Variants in IL1RAPL2 observed in about 807,000 individuals in gnomAD.
IL1RAPL2 encodes X-linked interleukin-1 receptor accessory protein-like 2.
A neutral mutation model predicts 44.1 loss-of-function variants in IL1RAPL2; 3 were observed. The ratio of observed to expected loss-of-function variants is 0.07; its 90% confidence interval spans 0.03 to 0.18. The LOEUF (loss-of-function observed/expected upper bound fraction) is 0.18, where lower values mean the gene tolerates loss of function less well. Ranked by LOEUF, IL1RAPL2 falls within the 10% of genes least tolerant of loss-of-function variation. IL1RAPL2 has a pLI of 1.00. For synonymous variants in IL1RAPL2, 181 were observed against 178.8 expected, an observed-to-expected ratio of 1.01 and a Z score of -0.10; for missense variants, 391 against 496.4, an observed-to-expected ratio of 0.79 and a Z score of 2.02.
intron 2 of IL1RAPL2, among the ~76,000 whole-genome samples, chrX:104,709,509 G>A (rs905342100): frequency 1.3e-4 from 14 of 109,220 alleles, no homozygotes; most frequent in East Asian, 2.9e-4. Flanking sequence ...TGTCTTCTCC[G>A]CCATTCTCTT....
chrX:105,740,059 T>C (rs2038485494), intron 7 of IL1RAPL2, among the ~76,000 whole-genome samples: 1 of 107,089 alleles, frequency 9.3e-6, no homozygotes, highest in Non-Finnish European at 1.9e-5. Flanking sequence ...TGTGAGATGG[T>C]ATCTCATTGT....
intron 2 of IL1RAPL2, among the ~76,000 whole-genome samples, chrX:105,025,402 A>G (rs192617500): frequency 3.6e-5 from 4 of 111,638 alleles, no homozygotes; most frequent in Admixed American, 2.9e-4. Context: ...TACTCTCCTC[A>G]AAGTATAAGC....
intron 2 of IL1RAPL2, among the ~76,000 whole-genome samples, chrX:104,946,473 G>A (rs1460830409): frequency 1.1e-5 from 1 of 87,500 alleles, no homozygotes; most frequent in Middle Eastern, 7.0e-3. Flanking sequence ...GTGCAGGTTA[G>A]TTACATATGT....
intron 2 of IL1RAPL2, among the ~76,000 whole-genome samples, chrX:104,766,632 A>G (rs1239893865): frequency 8.9e-6 from 1 of 112,039 alleles, no homozygotes; most frequent in Admixed American, 9.5e-5. Flanking sequence ...TTAGAAACCT[A>G]AGGAAGGTAC....
chrX:104,753,697 A>G (rs1311985860), intron 2 of IL1RAPL2, among the ~76,000 whole-genome samples: 1 of 111,694 alleles, frequency 9.0e-6, no homozygotes, highest in Non-Finnish European at 1.9e-5. Context: ...ATACGACTGT[A>G]TGTACTGTGT....
chrX:105,501,647 AC>A (rs371007126), intron 6 of IL1RAPL2, among the ~76,000 whole-genome samples: 28 of 111,119 alleles, frequency 2.5e-4, no homozygotes, highest in African/African-American at 8.2e-4. Flanking sequence ...AACAACAACA[AC>A]GACAAACCCA....
intron 2 of IL1RAPL2, among the ~76,000 whole-genome samples, chrX:104,749,714 A>G (rs1475599511): frequency 8.9e-6 from 1 of 111,795 alleles, no homozygotes; most frequent in Non-Finnish European, 1.9e-5. Flanking sequence ...GACTGAAATT[A>G]TAAATTAGGT....
chrX:105,274,822 A>G (rs1287971567), intron 5 of IL1RAPL2, among the ~76,000 whole-genome samples: 2 of 109,842 alleles, frequency 1.8e-5, no homozygotes, highest in Non-Finnish European at 3.8e-5. Context: ...TTATTTGTGT[A>G]TCTGCCAGGT....
At chrX:104,798,880 A>C (rs892641503) in intron 2 of IL1RAPL2, among the ~76,000 whole-genome samples, 1 of 111,120 alleles carries the variant, frequency 9.0e-6, no homozygotes, top group Non-Finnish European at 1.9e-5. Context: ...GGGGTGGCTT[A>C]AAGCCTTATT....
chrX:104,608,160 G>A (rs776050533), intron 1 of IL1RAPL2, among the ~76,000 whole-genome samples: 78 of 110,194 alleles, frequency 7.1e-4, no homozygotes, highest in Non-Finnish European at 1.2e-3. Flanking sequence ...GTTTTCACTC[G>A]TAAGTGGGAG....
intron 5 of IL1RAPL2, among the ~76,000 whole-genome samples, chrX:105,440,671 AAC>A (rs2035913913): frequency 8.9e-6 from 1 of 112,463 alleles, no homozygotes; most frequent in African/African-American, 3.2e-5. Flanking sequence ...GGACTAAAGA[AAC>A]AGTTTTGTTC....
chrX:104,814,249 A>G (rs1388107734), intron 2 of IL1RAPL2, among the ~76,000 whole-genome samples: 1 of 111,711 alleles, frequency 9.0e-6, no homozygotes, highest in Non-Finnish European at 1.9e-5. Context: ...TTACCTGGAT[A>G]CCTATTTAAG....
chrX:105,011,180 A>G (rs755234568), intron 2 of IL1RAPL2, among the ~76,000 whole-genome samples: 1 of 111,305 alleles, frequency 9.0e-6, no homozygotes, highest in South Asian at 3.7e-4. Context: ...CAACAATTCA[A>G]TTATATAAAT....
intron 3 of IL1RAPL2, chrX:105,218,876 C>A: frequency 1.1e-6 from 1 of 870,971 alleles, no homozygotes. Flanking sequence ...CCCCTACCAC[C>A]CCGGCCCCCG....
At chrX:104,627,028 A>G (rs1345924549) in intron 1 of IL1RAPL2, among the ~76,000 whole-genome samples, 1 of 109,254 alleles carries the variant, frequency 9.2e-6, no homozygotes, top group East Asian at 2.9e-4. Context: ...CATTTTGGCC[A>G]GGATGGTCTC....
At chrX:105,237,987 A>T (rs782788022) in intron 4 of IL1RAPL2, among the ~76,000 whole-genome samples, 1 of 112,632 alleles carries the variant, frequency 8.9e-6, no homozygotes, top group South Asian at 3.7e-4. Context: ...TAAAAGATTA[A>T]TTGAGCAAAG....
intron 5 of IL1RAPL2, among the ~76,000 whole-genome samples, chrX:105,453,805 T>C (rs927142001): frequency 4.5e-5 from 5 of 111,866 alleles, no homozygotes; most frequent in Non-Finnish European, 9.4e-5. Flanking sequence ...TGGGCAAAAT[T>C]AGCATGGAAA....
intron 6 of IL1RAPL2, among the ~76,000 whole-genome samples, chrX:105,666,714 C>G (rs908045844): frequency 9.0e-6 from 1 of 111,729 alleles, no homozygotes; most frequent in African/African-American, 3.3e-5. Context: ...CCTAAAGAAG[C>G]CTAGAAGAGC....
At chrX:105,457,981 A>G (rs1399084793) in intron 5 of IL1RAPL2, among the ~76,000 whole-genome samples, 1 of 111,228 alleles carries the variant, frequency 9.0e-6, no homozygotes, top group African/African-American at 3.3e-5. Context: ...CCAATATTTA[A>G]TTTCTGGGCT....
Sources: gnomAD v4.1 joint callset for allele counts (sites outside exome capture counted in the v4.1 genomes callset) on GRCh38, gnomAD v4.1.1 for gene constraint, MANE v1.5 for transcripts, NCBI Gene and HGNC (gene_info 2026-07-23, HGNC 2026-07-21) for gene names.